The following P2RY8 variants were observed in gnomAD, a reference collection of about 807,000 sequenced individuals.
P2RY8 encodes the protein S-geranylgeranyl-glutathione receptor P2RY8.
A neutral mutation model predicts 10.0 loss-of-function variants in P2RY8; 6 were observed. That is an observed-to-expected ratio of 0.60 (90% confidence interval 0.33 to 1.19). The LOEUF (loss-of-function observed/expected upper bound fraction) is 1.19, where lower values mean the gene tolerates loss of function less well. Among genes scored for constraint, P2RY8 ranks in the 50% most tolerant of loss-of-function variants. P2RY8 has a pLI of 0.04. For missense variants in P2RY8, 456 were observed against 542.0 expected (o/e 0.84, Z 1.58); for synonymous variants, 276 against 252.5 (o/e 1.09, Z -0.88).
At position 1,466,563 on chromosome X, in the gene P2RY8, G is replaced by A; in HGVS notation, c.-5C>T. On this transcript the variant is annotated 5_prime_UTR_variant, in exon 2 of 2. Transcript: ENST00000381297. ...GGTGCTGTTCGGGACCTGCATCCTG[G>A]AGGGGTCCTCGCCCGGGCTCTGCAA... 2 of 1,602,528 alleles carry A rather than the reference G, an allele frequency of 1.2e-6. No homozygotes were observed. Among genetic ancestry groups the A allele is most frequent in the Non-Finnish European group, 1.7e-6 (2 of 1,177,200 alleles).
At position 1,466,301 on chromosome X, in the gene P2RY8, G is replaced by A. The variant is rs754931057; in HGVS notation, c.258C>T (p.Arg86=). 8 of 1,613,752 alleles carry A rather than the reference G, an allele frequency of 5.0e-6. No homozygotes were observed. The South Asian group carries it at 6.6e-5, about 13-fold the overall frequency. ...LPFQIYYHCN[R]HHWVFGVLLC... ...GCAGCACCCCGAATACCCAGTGGTG[G>A]CGGTTGCAATGGTAGTAGATTTGGA... The change falls in exon 2 of 2, where the codon CGC becomes CGT. Residue 86 remains arginine (R), a synonymous_variant. Transcript: ENST00000381297.
chrX:1,498,363 G>C (rs758839450), intron 1 of P2RY8, among the ~76,000 whole-genome samples: 6 of 131,760 alleles, frequency 4.6e-5, no homozygotes, highest in Non-Finnish European at 7.9e-5. Flanking sequence ...CCGAGATCGC[G>C]CCACTGCACT....
At chrX:1,513,918 G>C (rs1479950873) in intron 1 of P2RY8, among the ~76,000 whole-genome samples, 3 of 152,120 alleles carry the variant, frequency 2.0e-5, no homozygotes, top group Non-Finnish European at 2.9e-5. Flanking sequence ...ATTGGATTTT[G>C]GGCCCACCCT....
intron 1 of P2RY8, among the ~76,000 whole-genome samples, chrX:1,512,007 T>G (rs2092300797): frequency 6.6e-6 from 1 of 152,140 alleles, no homozygotes; most frequent in Non-Finnish European, 1.5e-5. Flanking sequence ...CTTTTTTTCC[T>G]AGCTCCTTGG....
At chrX:1,505,555 C>T (rs1488504045) in intron 1 of P2RY8, among the ~76,000 whole-genome samples, 3 of 152,114 alleles carry the variant, frequency 2.0e-5, no homozygotes, top group African/African-American at 7.2e-5. Flanking sequence ...TCTGGGAGGC[C>T]GAGGCGGGTC....
chrX:1,501,499 C>A (rs2092178688), intron 1 of P2RY8, among the ~76,000 whole-genome samples: 3 of 152,052 alleles, frequency 2.0e-5, no homozygotes, highest in South Asian at 4.2e-4. Context: ...GCAGCTGGGA[C>A]CACAGGTGCT....
chrX:1,470,562 C>T (rs1207156063), intron 1 of P2RY8, among the ~76,000 whole-genome samples: 17 of 152,090 alleles, frequency 1.1e-4, no homozygotes, highest in African/African-American at 4.1e-4. Flanking sequence ...ACTGCTAATC[C>T]TGTTCGTTCC....
chrX:1,490,297 T>A (rs2092031634), intron 1 of P2RY8, among the ~76,000 whole-genome samples: 2 of 119,460 alleles, frequency 1.7e-5, no homozygotes, highest in African/African-American at 6.7e-5. Context: ...TCTCCACAAA[T>A]GTGGAGGGAA....
intron 1 of P2RY8, among the ~76,000 whole-genome samples, chrX:1,515,338 A>G (rs1470100126): frequency 1.3e-5 from 2 of 151,260 alleles, no homozygotes; most frequent in Admixed American, 6.6e-5. Context: ...AGTTGTGCAA[A>G]CACCTCCGCA....
At chrX:1,474,686 G>A (rs1466618961) in intron 1 of P2RY8, among the ~76,000 whole-genome samples, 3 of 147,492 alleles carry the variant, frequency 2.0e-5, no homozygotes, top group Non-Finnish European at 1.5e-5. Flanking sequence ...ACAGATGGAT[G>A]AGTGGGAGGA....
chrX:1,507,678 G>A (rs747999374), intron 1 of P2RY8, among the ~76,000 whole-genome samples: 59 of 152,126 alleles, frequency 3.9e-4, no homozygotes, highest in African/African-American at 1.3e-3. Flanking sequence ...CGCGATTTCC[G>A]CCCCCCTGCC....
chrX:1,505,864 C>T lies in P2RY8; in HGVS notation c.-25+31057G>A, dbSNP rs149726982. ...GGAGGAGGACTTGCAAGTAGAGTTT[C>T]CATTTCTACCCCTGTGTAAAATTCC... On this transcript the variant is annotated intron_variant, in intron 1 of 1. Coordinates refer to ENST00000381297, the MANE Select transcript of P2RY8 (RefSeq NM_178129.5). Among the ~76,000 whole-genome samples the T allele has an allele frequency of 5.8e-3, 883 of 152,120 alleles. 20 individuals are homozygous for T. The highest frequency in any genetic ancestry group is 0.053 in the East Asian group (277 of 5,184).
chrX:1,464,399 G>A lies in P2RY8; in HGVS notation c.*1080C>T, dbSNP rs2091632502. ...GCGGCTGACACCCCTGTAGGTTCCT[G>A]GGGTCCACACCTGCATCTGCTGCTT... On this transcript the variant is annotated 3_prime_UTR_variant, in exon 2 of 2. Coordinates refer to ENST00000381297, the MANE Select transcript of P2RY8 (RefSeq NM_178129.5). 4.3e-6 allele frequency: 1 copy of A among 233,674 alleles called. No homozygotes were observed. The highest frequency in any genetic ancestry group is 2.2e-5 in the African/African-American group (1 of 45,476). 14.5% of individuals were successfully genotyped at this position (233,674 alleles called of 1,614,324 possible).
At chrX:1,472,170 T>C (rs1324953790) in intron 1 of P2RY8, among the ~76,000 whole-genome samples, 1 of 152,068 alleles carries the variant, frequency 6.6e-6, no homozygotes, top group Non-Finnish European at 1.5e-5. Flanking sequence ...TATGGCCATT[T>C]CTTACTTAGA....
At chrX:1,500,986 G>C (rs1229186062) in intron 1 of P2RY8, among the ~76,000 whole-genome samples, 4 of 152,348 alleles carry the variant, frequency 2.6e-5, no homozygotes, top group Admixed American at 1.3e-4. Flanking sequence ...GGGGCCGCCT[G>C]TCTGGCCCAG....
intron 1 of P2RY8, among the ~76,000 whole-genome samples, chrX:1,479,464 A>G (rs2091911949): frequency 6.6e-6 from 1 of 152,256 alleles, no homozygotes; most frequent in South Asian, 2.1e-4. Context: ...AAGGGTTTGC[A>G]TATTTTAAAT....
intron 1 of P2RY8, among the ~76,000 whole-genome samples, chrX:1,469,252 C>T (rs745396075): frequency 1.3e-5 from 2 of 149,370 alleles, no homozygotes; most frequent in East Asian, 4.0e-4. Context: ...CAACCTCTGT[C>T]TCCCTGCTTC....
chrX:1,492,731 G>C (rs2092065412), intron 1 of P2RY8, among the ~76,000 whole-genome samples: 1 of 152,060 alleles, frequency 6.6e-6, no homozygotes, highest in Non-Finnish European at 1.5e-5. Context: ...AGGCAGGTTG[G>C]GCTCCCAGTT....
intron 1 of P2RY8, among the ~76,000 whole-genome samples, chrX:1,472,238 G>A (rs1326574310): frequency 2.7e-5 from 4 of 150,386 alleles, no homozygotes; most frequent in South Asian, 2.1e-4. Context: ...ATAGAGTAGG[G>A]AGAGGCCCTA....
Sources: allele counts gnomAD v4.1 joint callset (sites outside exome capture counted in the v4.1 genomes callset), GRCh38; gene constraint gnomAD v4.1.1; transcripts MANE v1.5; gene names NCBI Gene and HGNC (gene_info 2026-07-23, HGNC 2026-07-21).